The following DDX41 variants were observed in gnomAD, a reference collection of about 807,000 sequenced individuals.
DDX41 encodes DEAD-box helicase 41, also known as probable ATP-dependent RNA helicase DDX41.
Under a neutral mutation model 78.8 loss-of-function variants are expected in DDX41, and 50 were observed. The observed-to-expected ratio is 0.63, with a 90% CI of 0.51 to 0.80. The LOEUF (loss-of-function observed/expected upper bound fraction) is 0.80. DDX41 is among the 30% of genes least tolerant of loss of function. DDX41 has a pLI of 0.00. For synonymous variants in DDX41, 381 were observed against 321.5 expected (o/e 1.19, Z -1.98); for missense variants, 633 against 849.2 (o/e 0.75, Z 3.16).
At position 177,515,836 on chromosome 5, in the gene DDX41, C is replaced by T. The variant is rs1305289075; in HGVS notation, c.435-15G>A. ...GTGGAGTCCAGCTGTGGATGGGTAA[C>T]AGGGATCAAGAGAGCCCTGGGAATA... On this transcript the variant is annotated splice_polypyrimidine_tract_variant and intron_variant, in intron 5 of 16. Coordinates refer to ENST00000330503, the MANE Select transcript of DDX41 (RefSeq NM_016222.4). 1 of 1,614,170 alleles carries T rather than the reference C, an allele frequency of 6.2e-7. No homozygotes were observed. The highest frequency in any genetic ancestry group is 1.1e-5 in the South Asian group (1 of 91,078).
intron 2 of DDX41, 63 bp from the exon 3 acceptor site, chr5:177,516,510 A>ATCC: frequency 6.3e-7 from 1 of 1,594,274 alleles, no homozygotes; most frequent in South Asian, 1.1e-5. Context: ...CAGCGTCAGG[A>ATCC]TCCTGGCTTT....
At chr5:177,515,282 C>T (rs1397530782) in intron 6 of DDX41, 24 bp from the exon 7 acceptor site, 3 of 1,613,122 alleles carry the variant, frequency 1.9e-6, no homozygotes, top group East Asian at 4.5e-5. Flanking sequence ...CCGACATCGT[C>T]TTCATGACTC....
intron 2 of DDX41, 63 bp from the exon 3 acceptor site, chr5:177,516,510 A>T (rs773417046): frequency 5.6e-6 from 9 of 1,594,156 alleles, no homozygotes; most frequent in Non-Finnish European, 6.8e-6. Context: ...CAGCGTCAGG[A>T]TCCTGGCTTT....
At position 177,515,693 on chromosome 5, in the gene DDX41, A is replaced by C. The variant is rs1761193663; in HGVS notation, c.563T>G (p.Phe188Cys). The change falls in exon 6 of 17, where the codon TTT becomes TGT. Residue 188 changes from phenylalanine (F) to cysteine (C), a missense_variant. Physicochemically the swap from Phe to Cys is radical, Grantham distance 205. Around this residue, in one of 6 missense-constraint regions of DDX41, gnomAD observed 126 missense variants for 115.5 expected, o/e 1.09. Transcript: ENST00000330503. ...PPIKSFKEMK[F>C]PAAILRGLKK... ...CTCCAGCCCCTGACTACCTGCAGGA[A>C]ACTTCATTTCCTTGAAGCTCTTGAT... is the stretch of plus-strand genomic sequence containing the variant. The C allele has an allele frequency of 6.2e-7, 1 of 1,614,038 alleles. No individual in the cohort carries two copies. Among genetic ancestry groups the C allele is most frequent in the Non-Finnish European group, 8.5e-7 (1 of 1,179,976 alleles).
rs567913531 is a variant in DDX41 at position 177,513,130 on chromosome 5, C to T, written c.1231-48G>A. 38 of 1,587,606 alleles carry T rather than the reference C, an allele frequency of 2.4e-5. No individual in the cohort carries two copies. Among genetic ancestry groups the T allele is most frequent in the Non-Finnish European group, 3.0e-5 (35 of 1,161,484 alleles). Reference sequence around the variant, plus strand: ...AGGTGATCTTGAGATTAGGCTTACCCGCCACAGCCCTGCCATGGCCCGTCA... The same window carrying T: ...AGGTGATCTTGAGATTAGGCTTACCTGCCACAGCCCTGCCATGGCCCGTCA... On this transcript the variant is annotated intron_variant, in intron 11 of 16. Coordinates refer to ENST00000330503, the MANE Select transcript of DDX41 (RefSeq NM_016222.4). The surrounding 1 kb of genome is among the most constrained non-coding windows in gnomAD (Gnocchi z 4.6).
Position 177,511,702 on chromosome 5 carries a change from G to A in DDX41, c.*89C>T. 6.4e-7 allele frequency: 1 copy of A among 1,553,116 alleles called. No homozygotes were observed. Among genetic ancestry groups the A allele is most frequent in the Non-Finnish European group, 8.8e-7 (1 of 1,135,960 alleles). Reference sequence around the variant, plus strand: ...CATCCCAGGCCAGCTGAGCTGAAATGCTGATTCTGTCCAGGGGGCTGCTGT... The same window carrying A: ...CATCCCAGGCCAGCTGAGCTGAAATACTGATTCTGTCCAGGGGGCTGCTGT... On this transcript the variant is annotated 3_prime_UTR_variant, in exon 17 of 17. Coordinates refer to ENST00000330503, the MANE Select transcript of DDX41 (RefSeq NM_016222.4).
At chr5:177,515,645 G>A in intron 6 of DDX41, 40 bp downstream of exon 6, 1 of 1,609,104 alleles carries the variant, frequency 6.2e-7, no homozygotes, top group Non-Finnish European at 8.5e-7. Context: ...ACAGGCATTT[G>A]ATTATAAAAG....
chr5:177,516,056 C>T (rs1162275017), intron 4 of DDX41, 63 bp downstream of exon 4: 2 of 1,613,882 alleles, frequency 1.2e-6, no homozygotes, highest in Non-Finnish European at 1.7e-6. Flanking sequence ...TGAGATATAA[C>T]ATGCCTGGGG....
chr5:177,515,307 A>G (rs759597876), intron 6 of DDX41, 49 bp from the exon 7 acceptor site: 6 of 1,592,314 alleles, frequency 3.8e-6, no homozygotes, highest in Non-Finnish European at 4.3e-6. Flanking sequence ...GTACTTTCTC[A>G]GAGCCCCAAA....
In DDX41 at chr5:177,516,754, C is replaced by T; in HGVS notation, c.109G>A (p.Val37Met). Residue 37 changes from valine to methionine, a missense_variant, in exon 2 of 17, where the codon GTG (valine) becomes ATG (methionine). Coordinates refer to ENST00000330503, the MANE Select transcript of DDX41 (RefSeq NM_016222.4). ...AGCTGCCGGCGCTGCCGTAACGGCA[C>T]ATAGGGCACGTAGTCCTCGTCGTCC... Reference protein sequence around the residue: ...DEDDEDYVPYVPLRQRRQLLL... With the variant: ...DEDDEDYVPYMPLRQRRQLLL... 1 of 1,610,794 alleles carries T rather than the reference C, an allele frequency of 6.2e-7. No homozygotes were observed. The highest frequency in any genetic ancestry group is 8.5e-7 in the Non-Finnish European group (1 of 1,179,006).
rs754820123 is a variant in DDX41, at chr5:177,514,688, C to T, written c.935+13G>A. ...GGTGGCAGAGGTGGGGGGCAGGGAG[C>T]GCCAGCACTCACTGTCGGATGGTCT... On this transcript the variant is annotated intron_variant, in intron 9 of 16. Coordinates refer to ENST00000330503, the MANE Select transcript of DDX41 (RefSeq NM_016222.4). This position sits in a 1 kb window ranked among gnomAD's most constrained non-coding sequence, Gnocchi z 4.2. The T allele has an allele frequency of 5.6e-6, 9 of 1,604,340 alleles. No homozygotes were observed. The highest frequency in any genetic ancestry group is 2.2e-5 in the East Asian group (1 of 44,732).
At position 177,513,565 on chromosome 5, in the gene DDX41, G is replaced by A. The variant is rs1173721496; in HGVS notation, c.1099-81C>T. On this transcript the variant is annotated intron_variant, in intron 10 of 16. Coordinates refer to ENST00000330503, the MANE Select transcript of DDX41 (RefSeq NM_016222.4). The surrounding 1 kb of genome is among the most constrained non-coding windows in gnomAD (Gnocchi z 4.6). The stretch of plus-strand genomic sequence containing the variant: ...GGGTCTGGGGAAGCTGAGCAACTGA[G>A]ACACAGCCCACAAAGTATGAGCAGT... The A allele has an allele frequency of 1.2e-6, 2 of 1,608,990 alleles. No homozygotes were observed. The highest frequency in any genetic ancestry group is 1.7e-6 in the Non-Finnish European group (2 of 1,176,440).
chr5:177,512,297 A>G (rs766220069), intron 15 of DDX41, 25 bp downstream of exon 15: 2 of 1,613,786 alleles, frequency 1.2e-6, no homozygotes, highest in Non-Finnish European at 8.5e-7. Flanking sequence ...GGGAACAGCT[A>G]AGGTGGCGCT....
intron 2 of DDX41, 65 bp from the exon 3 acceptor site, chr5:177,516,512 C>T (rs533310445): frequency 3.8e-4 from 605 of 1,592,410 alleles, no homozygotes; most frequent in Admixed American, 5.2e-4. Context: ...GCGTCAGGAT[C>T]CTGGCTTTGG....
chr5:177,514,895 C>T lies in DDX41; in HGVS notation c.798+21G>A, dbSNP rs371392769. The T allele has an allele frequency of 3.1e-6, 5 of 1,603,642 alleles. No individual in the cohort carries two copies. In the African/African-American group the frequency reaches 5.4e-5, roughly 17 times the overall value. On this transcript the variant is annotated intron_variant, in intron 8 of 16. Transcript: ENST00000330503. The surrounding 1 kb of genome is among the most constrained non-coding windows in gnomAD (Gnocchi z 4.2). ...TGGCAGCCCCAATCTCTGGCCTGCC[C>T]TCCAGGCCAGCCTATCTTACCGAGG...
Position 177,516,452 on chromosome 5 carries a change from G to A in DDX41, c.139-5C>T, listed in dbSNP as rs200837781. The A allele has an allele frequency of 8.6e-5, 138 of 1,613,046 alleles. 1 individual carries two copies. The highest frequency in any genetic ancestry group is 6.7e-4 in the East Asian group (30 of 44,904). On this transcript the variant is annotated splice_polypyrimidine_tract_variant and splice_region_variant and intron_variant, in intron 2 of 16. Transcript: ENST00000330503. Reference sequence around the variant, plus strand: ...TCGCTGCAGCAGCTTCTGGAGCTGAGGTTCCACCCGGGATCCACAGATAGG... The same window carrying A: ...TCGCTGCAGCAGCTTCTGGAGCTGAAGTTCCACCCGGGATCCACAGATAGG...
At chr5:177,512,010 G>T in intron 16 of DDX41, 83 bp from the exon 17 acceptor site, 4 of 1,605,578 alleles carry the variant, frequency 2.5e-6, no homozygotes, top group South Asian at 1.1e-5. Flanking sequence ...AGGCACCCTC[G>T]GTCCACCGGT....
Position 177,513,455 on chromosome 5 carries a change from GGCACTGAAGA to G in DDX41, c.1118_1127del (p.Leu373ProfsTer16). The G allele has an allele frequency of 6.2e-7, 1 of 1,614,194 alleles. No individual in the cohort carries two copies. Among genetic ancestry groups the G allele is most frequent in the Non-Finnish European group, 8.5e-7 (1 of 1,180,030 alleles). ...AGTTCTGAATCTTCTTCGGCATGGTGGCACTGAAGAGCAGGGTCTGTCGCTGGCCCTGAGG... is the reference window on the plus strand; with the variant it reads ...AGTTCTGAATCTTCTTCGGCATGGTGGCAGGGTCTGTCGCTGGCCCTGAGG... On this transcript the variant is annotated frameshift_variant, in exon 11 of 17. Coordinates refer to ENST00000330503, the MANE Select transcript of DDX41 (RefSeq NM_016222.4). LOFTEE classifies it high-confidence loss of function. The surrounding 1 kb of genome is among the most constrained non-coding windows in gnomAD (Gnocchi z 4.6).
At position 177,513,815 on chromosome 5, in the gene DDX41, C is replaced by T. The variant is rs1248764875; in HGVS notation, c.968G>A (p.Arg323His). 5.0e-6 allele frequency: 8 copies of T among 1,613,688 alleles called. No individual in the cohort carries two copies. Among genetic ancestry groups the T allele is most frequent in the East Asian group, 4.5e-5 (2 of 44,870 alleles). ...CTTCTTCTGCAGCAAATCCATGAGG[C>T]GCCCCGGGGTGGCCACCATCATGTG... The part of the protein sequence containing the change: ...GVHMMVATPG[R>H]LMDLLQKKMV... Residue 323 changes from arginine (R) to histidine (H), a missense_variant, in exon 10 of 17, where the codon CGC (arginine) becomes CAC (histidine). Arg to His is a conservative substitution (Grantham distance 29, BLOSUM62 0). This residue lies in a region of DDX41 where 151 missense variants were observed against 169.2 expected (regional missense o/e 0.89). Transcript: ENST00000330503. The surrounding 1 kb of genome is among the most constrained non-coding windows in gnomAD (Gnocchi z 4.6).
Sources: gnomAD v4.1 joint callset for allele counts on GRCh38, gnomAD v4.1.1 for gene constraint, gnomAD v4.1.1 regional missense constraint, Gnocchi (gnomAD v3.1) non-coding constraint, MANE v1.5 for transcripts, NCBI Gene and HGNC (gene_info 2026-07-23, HGNC 2026-07-21) for gene names.